The following CACNA2D1 variants were observed in gnomAD, a reference collection of about 807,000 sequenced individuals.
CACNA2D1 encodes the protein calcium voltage-gated channel auxiliary subunit alpha2delta 1.
A neutral mutation model predicts 171.5 loss-of-function variants in CACNA2D1; 53 were observed. That is an observed-to-expected ratio of 0.31 (90% CI 0.25 to 0.39). The LOEUF is 0.39. CACNA2D1 is among the 10% of genes least tolerant of loss of function. The pLI is 1.00. For synonymous variants in CACNA2D1, 442 were observed against 443.1 expected (o/e 1.00, Z 0.03); for missense variants, 903 against 1,299.8 (o/e 0.69, Z 4.69).
At chr7:81,999,821 T>G (rs1798405885) in intron 18 of CACNA2D1, among the ~76,000 whole-genome samples, 1 of 152,138 alleles carries the variant, frequency 6.6e-6, no homozygotes, top group African/African-American at 2.4e-5. Context: ...AATTTTAAAC[T>G]TTATAGGAAT....
intron 1 of CACNA2D1, among the ~76,000 whole-genome samples, chr7:82,389,392 TAACA>T (rs1824828579): frequency 6.6e-6 from 1 of 152,092 alleles, no homozygotes; most frequent in Non-Finnish European, 1.5e-5. Context: ...TGATAGTATT[TAACA>T]AACACTTTGA....
chr7:82,081,733 T>C lies in CACNA2D1; in HGVS notation c.658+3036A>G, dbSNP rs75199506. Among the ~76,000 whole-genome samples, 251 of 152,282 alleles carry C rather than the reference T, an allele frequency of 1.6e-3. 3 individuals carry two copies. In the East Asian group the frequency reaches 0.018, roughly 11 times the overall value. On this transcript the variant is annotated intron_variant, in intron 7 of 38. Transcript: ENST00000356860. ...GCCAGTGACACCCCTGCCCAGGCCT[T>C]GCTTGGGTCCGGGTTCACCGCAGGA... is the stretch of plus-strand genomic sequence containing the variant.
At chr7:82,222,301 C>G (rs911545418) in intron 3 of CACNA2D1, among the ~76,000 whole-genome samples, 2 of 152,174 alleles carry the variant, frequency 1.3e-5, no homozygotes, top group Non-Finnish European at 2.9e-5. Flanking sequence ...AGAAGCTGAT[C>G]TGATCCACAG....
intron 3 of CACNA2D1, among the ~76,000 whole-genome samples, chr7:82,323,463 T>C (rs923438813): frequency 6.6e-6 from 1 of 152,092 alleles, no homozygotes; most frequent in Non-Finnish European, 1.5e-5. Flanking sequence ...ACTAACGACC[T>C]ATGCGCAGGA....
intron 1 of CACNA2D1, among the ~76,000 whole-genome samples, chr7:82,361,449 G>A (rs1038547391): frequency 6.6e-6 from 1 of 151,974 alleles, no homozygotes; most frequent in African/African-American, 2.4e-5. Flanking sequence ...AAGTAATACA[G>A]AAAAAGAAGT....
intron 1 of CACNA2D1, among the ~76,000 whole-genome samples, chr7:82,406,827 T>C (rs1827108032): frequency 6.6e-6 from 1 of 152,204 alleles, no homozygotes; most frequent in Non-Finnish European, 1.5e-5. Context: ...GTTTCAATCT[T>C]AGAATTTTTT....
At chr7:82,146,351 G>GAT (rs141319970) in intron 4 of CACNA2D1, among the ~76,000 whole-genome samples, 289 of 123,400 alleles carry the variant, frequency 2.3e-3, no homozygotes, top group African/African-American at 5.8e-3. Flanking sequence ...TAGAAGAAAT[G>GAT]ATATATATAT....
intron 3 of CACNA2D1, among the ~76,000 whole-genome samples, chr7:82,187,207 T>C (rs1797868718): frequency 6.6e-6 from 1 of 152,204 alleles, no homozygotes; most frequent in East Asian, 1.9e-4. Flanking sequence ...TTATGAAATC[T>C]GTGTCTCTAC....
chr7:81,952,456 T>C (rs1370976838), intron 38 of CACNA2D1, among the ~76,000 whole-genome samples: 1 of 151,880 alleles, frequency 6.6e-6, no homozygotes, highest in Non-Finnish European at 1.5e-5. Context: ...TATGAAAAAA[T>C]TTTAGTTTCA....
chr7:82,145,489 TATAG>T (rs906361717), intron 4 of CACNA2D1, among the ~76,000 whole-genome samples: 3 of 144,590 alleles, frequency 2.1e-5, no homozygotes, highest in African/African-American at 7.5e-5. Flanking sequence ...AAATTCACTG[TATAG>T]ATACAGAATG....
chr7:82,124,793 G>A (rs1336246528), intron 5 of CACNA2D1, among the ~76,000 whole-genome samples: 1 of 151,952 alleles, frequency 6.6e-6, no homozygotes, highest in Non-Finnish European at 1.5e-5. Context: ...CCCTCCACCG[G>A]TAACACCTAG....
At chr7:81,959,990 C>T (rs1490395416) in intron 36 of CACNA2D1, among the ~76,000 whole-genome samples, 161 bp from the exon 37 acceptor site, 1 of 151,850 alleles carries the variant, frequency 6.6e-6, no homozygotes, top group Non-Finnish European at 1.5e-5. Flanking sequence ...GAAAAAAATG[C>T]TTCATTTATT....
At chr7:82,435,629 A>G (rs1830058809) in intron 1 of CACNA2D1, among the ~76,000 whole-genome samples, 1 of 152,192 alleles carries the variant, frequency 6.6e-6, no homozygotes, top group Non-Finnish European at 1.5e-5. Context: ...AACCTCGGGC[A>G]TCATCTCTGG....
intron 21 of CACNA2D1, among the ~76,000 whole-genome samples, chr7:81,990,866 T>G (rs1305408064): frequency 1.3e-5 from 2 of 152,188 alleles, no homozygotes; most frequent in African/African-American, 4.8e-5. Flanking sequence ...TCAACTCAAA[T>G]GTACCTAATG....
intron 3 of CACNA2D1, among the ~76,000 whole-genome samples, chr7:82,321,694 C>T (rs186594105): frequency 2.6e-5 from 4 of 152,230 alleles, no homozygotes; most frequent in South Asian, 4.1e-4. Context: ...CCATCCCCAA[C>T]GCCCCCCATG....
chr7:81,991,097 G>A (rs1797497648), intron 21 of CACNA2D1, 88 bp downstream of exon 21: 1 of 749,320 alleles, frequency 1.3e-6, no homozygotes, highest in African/African-American at 1.7e-5. Context: ...CTTTTCTAGT[G>A]AAAATCACAT....
chr7:82,009,651 T>C (rs1377172890), intron 15 of CACNA2D1, among the ~76,000 whole-genome samples: 1 of 152,092 alleles, frequency 6.6e-6, no homozygotes, highest in African/African-American at 2.4e-5. Flanking sequence ...AATTTGCTTC[T>C]AAAAATGGTA....
chr7:82,119,626 A>G (rs1789483253), intron 5 of CACNA2D1, among the ~76,000 whole-genome samples: 1 of 152,186 alleles, frequency 6.6e-6, no homozygotes, highest in Admixed American at 6.5e-5. Context: ...TACTTATAGC[A>G]AAATATTCAA....
intron 3 of CACNA2D1, among the ~76,000 whole-genome samples, chr7:82,263,102 C>CT (rs759968270): frequency 0.34 from 36,772 of 107,260 alleles, 8,034 homozygotes; most frequent in African/African-American, 0.46. Flanking sequence ...CATAACACCA[C>CT]TTTTTTTTTT....
Sources: gnomAD v4.1 joint callset for allele counts (sites outside exome capture counted in the v4.1 genomes callset) on GRCh38, gnomAD v4.1.1 for gene constraint, MANE v1.5 for transcripts, NCBI Gene and HGNC (gene_info 2026-07-23, HGNC 2026-07-21) for gene names.